Variants in COL28A1 observed in about 807,000 individuals in gnomAD.
COL28A1 encodes the protein collagen type XXVIII alpha 1 chain.
A neutral mutation model predicts 150.2 loss-of-function variants in COL28A1; 161 were observed. The ratio of observed to expected loss-of-function variants is 1.07; its 90% CI spans 0.94 to 1.22. The LOEUF (loss-of-function observed/expected upper bound fraction) is 1.22. Among genes scored for constraint, COL28A1 ranks in the 50% most tolerant of loss-of-function variants. The probability of loss-of-function intolerance (pLI) is 0.00; values close to 1 mark genes in which losing one functional copy is unlikely to be tolerated. For synonymous variants in COL28A1, 552 were observed against 469.7 expected, an observed-to-expected ratio of 1.18 and a Z score of -2.26; for missense variants, 1,617 against 1,388.3, an observed-to-expected ratio of 1.16 and a Z score of -2.62.
At chr7:7,527,248 T>C (rs1165623971) in intron 3 of COL28A1, among the ~76,000 whole-genome samples, 1 of 152,188 alleles carries the variant, frequency 6.6e-6, no homozygotes, top group Non-Finnish European at 1.5e-5. Flanking sequence ...TTATAGGCTA[T>C]AAGCCCCAGG....
intron 33 of COL28A1, among the ~76,000 whole-genome samples, chr7:7,367,110 A>G (rs1210111403): frequency 6.6e-6 from 1 of 152,224 alleles, no homozygotes; most frequent in Non-Finnish European, 1.5e-5. Context: ...GCTTATATAT[A>G]TAGATACTTA....
At chr7:7,542,931 G>C in the COL28A1 span, among the ~76,000 whole-genome samples, 1 of 152,144 alleles carries the variant, frequency 6.6e-6, no homozygotes, top group Non-Finnish European at 1.5e-5. Flanking sequence ...GCCTAGGAAA[G>C]TGGAAGAAAT....
In COL28A1 at chr7:7,360,609, G is replaced by C. The variant is rs373421582; in HGVS notation, c.3067-81C>G. ...TAGTTTGCTTTTGGGAACATATAAAGACTAGTTCAGCCATGCTGTGTTTCC... is the reference window on the plus strand; with the variant it reads ...TAGTTTGCTTTTGGGAACATATAAACACTAGTTCAGCCATGCTGTGTTTCC... On this transcript the variant is annotated intron_variant, in intron 33 of 34. Transcript: ENST00000399429. 146 of 1,198,578 alleles carry C rather than the reference G, an allele frequency of 1.2e-4. No homozygotes were observed. The African/African-American group carries it at 2.0e-3, about 16-fold the overall frequency. The allele number at this position is 1,198,578 out of a possible 1,614,324, so 74.2% of individuals were successfully genotyped here.
At chr7:7,474,290 C>T (rs1221930498) in intron 15 of COL28A1, among the ~76,000 whole-genome samples, 1 of 151,674 alleles carries the variant, frequency 6.6e-6, no homozygotes, top group Non-Finnish European at 1.5e-5. Flanking sequence ...GGACTCGGGG[C>T]AAAAGGGTGG....
At chr7:7,530,517 C>A (rs1040058668) in intron 3 of COL28A1, among the ~76,000 whole-genome samples, 3 of 152,178 alleles carry the variant, frequency 2.0e-5, no homozygotes, top group Non-Finnish European at 2.9e-5. Context: ...CTCAGGAAAT[C>A]AAAGAAATCC....
chr7:7,353,414 C>T (rs1780275121), downstream of COL28A1, among the ~76,000 whole-genome samples: 2 of 152,180 alleles, frequency 1.3e-5, 1 homozygote, highest in South Asian at 4.1e-4. Flanking sequence ...AGGAATATAA[C>T]TATTTGCCTT....
chr7:7,379,484 A>G (rs1184403201), intron 30 of COL28A1, among the ~76,000 whole-genome samples: 5 of 152,000 alleles, frequency 3.3e-5, no homozygotes, highest in South Asian at 2.1e-4. Context: ...CACATCTTCT[A>G]TCATAGCATT....
chr7:7,451,227 ACTT>A (rs1254189388), intron 18 of COL28A1, among the ~76,000 whole-genome samples: 4 of 151,162 alleles, frequency 2.6e-5, no homozygotes, highest in Admixed American at 6.6e-5. Flanking sequence ...TATTTGAAAT[ACTT>A]CTTTTTTTTT....
chr7:7,452,172 A>T, intron 18 of COL28A1, 147 bp downstream of exon 18: 1 of 1,162,088 alleles, frequency 8.6e-7, no homozygotes, highest in Non-Finnish European at 1.2e-6. Context: ...CTTTTGCAGT[A>T]GTAGTAGCCG....
chr7:7,529,289 C>CAAAA lies in COL28A1; in HGVS notation c.681+2055_681+2058dup, dbSNP rs5882129. 5.5e-5 allele frequency among the ~76,000 whole-genome samples: 7 copies of CAAAA among 127,260 alleles called. 1 individual carries two copies. The highest frequency in any genetic ancestry group is 2.6e-4 in the South Asian group (1 of 3,858). 83.5% of individuals were successfully genotyped at this position (127,260 alleles called of 152,430 possible). ...GGGTGACAGGAGCAAAACTCTGTCT[C>CAAAA]AAAAAAAAAAAAAAAAAGAGTCAAG... On this transcript the variant is annotated intron_variant, in intron 3 of 34. Transcript: ENST00000399429.
chr7:7,432,152 T>TG (rs1562627787), intron 25 of COL28A1, among the ~76,000 whole-genome samples: 1 of 152,122 alleles, frequency 6.6e-6, no homozygotes, highest in African/African-American at 2.4e-5. Context: ...GTTAAAGCCA[T>TG]GGGGCTGGAC....
At chr7:7,471,973 C>G (rs188129551) in intron 15 of COL28A1, among the ~76,000 whole-genome samples, 11 of 152,178 alleles carry the variant, frequency 7.2e-5, no homozygotes, top group Non-Finnish European at 1.5e-4. Context: ...ATCCAGCATC[C>G]CTTTATGATT....
intron 13 of COL28A1, among the ~76,000 whole-genome samples, chr7:7,477,708 CCAAA>C (rs1187447044): frequency 6.6e-6 from 1 of 152,138 alleles, no homozygotes; most frequent in East Asian, 1.9e-4. Flanking sequence ...CAGTGTGGAC[CCAAA>C]CAGTTAACAG....
At chr7:7,387,149 A>G (rs1007704792) in intron 27 of COL28A1, among the ~76,000 whole-genome samples, 2 of 152,072 alleles carry the variant, frequency 1.3e-5, no homozygotes, top group Non-Finnish European at 1.5e-5. Context: ...GAATTTTCAG[A>G]CCACATTCTG....
intron 27 of COL28A1, among the ~76,000 whole-genome samples, chr7:7,386,816 T>A (rs1287592453): frequency 3.9e-5 from 6 of 152,184 alleles, no homozygotes; most frequent in Non-Finnish European, 8.8e-5. Flanking sequence ...CTGTTTGTGC[T>A]GCTATAACAA....
At chr7:7,520,026 T>A (rs750798491) in intron 6 of COL28A1, 36 bp downstream of exon 6, 1 of 991,982 alleles carries the variant, frequency 1.0e-6, no homozygotes, top group Non-Finnish European at 1.6e-6. Context: ...TAGAAGGAGA[T>A]ACGCTGGTTT....
the COL28A1 span, among the ~76,000 whole-genome samples, chr7:7,344,651 G>A: frequency 6.6e-6 from 1 of 151,996 alleles, no homozygotes; most frequent in African/African-American, 2.4e-5. Context: ...ATTAAGAAAA[G>A]TAAGAGAATT....
chr7:7,528,663 G>C (rs1308811597), intron 3 of COL28A1, among the ~76,000 whole-genome samples: 1 of 152,170 alleles, frequency 6.6e-6, no homozygotes, highest in African/African-American at 2.4e-5. Flanking sequence ...TACTATTTGA[G>C]TTTGTATAAA....
intron 33 of COL28A1, among the ~76,000 whole-genome samples, chr7:7,364,347 A>G (rs6974119): frequency 0.9 from 137,236 of 152,264 alleles, 61,970 homozygotes; most frequent in East Asian, 1. Flanking sequence ...ATCCCTCCTC[A>G]GAAAATCAGG....
Sources: allele counts gnomAD v4.1 joint callset (sites outside exome capture counted in the v4.1 genomes callset), GRCh38; gene constraint gnomAD v4.1.1; transcripts MANE v1.5; gene names NCBI Gene and HGNC (gene_info 2026-07-23, HGNC 2026-07-21).